Variants in ANTXRL observed in about 807,000 individuals in gnomAD.
ANTXRL encodes ANTXR like.
ANTXRL carries 63 observed loss-of-function variants against 75.4 expected under a neutral mutation model. The observed-to-expected ratio is 0.84, with a 90% CI of 0.68 to 1.03. The LOEUF is 1.03. ANTXRL is among the 50% of genes least tolerant of loss of function. ANTXRL has a pLI of 0.00. For missense variants in ANTXRL, 797 were observed against 789.4 expected, an observed-to-expected ratio of 1.01 and a Z score of -0.12; for synonymous variants, 335 against 291.3, an observed-to-expected ratio of 1.15 and a Z score of -1.53.
chr10:46,316,090 T>G (rs1360029872), intron 16 of ANTXRL, among the ~76,000 whole-genome samples: 1 of 152,154 alleles, frequency 6.6e-6, no homozygotes, highest in Non-Finnish European at 1.5e-5. Context: ...CTCATTATGT[T>G]AATGGGAAAC....
chr10:46,329,823 C>A lies in ANTXRL; in HGVS notation c.1635C>A (p.Ala545=). 3 of 1,533,842 alleles carry A rather than the reference C, an allele frequency of 2.0e-6. No homozygotes were observed. Among genetic ancestry groups the A allele is most frequent in the Non-Finnish European group, 2.6e-6 (3 of 1,145,900 alleles). The change falls in exon 17 of 17, where the codon GCC becomes GCA. Residue 545 remains alanine (A), a synonymous_variant. Transcript: ENST00000620264. ...GCCAACACAGCAGGGAGTGCCTTGC[C>A]CGCAAACAGGCTCCCTGCAGCCCAA... The part of the protein sequence containing the change: ...RHSQHSRECL[A]RKQAPCSPRI...
chr10:46,295,106 G>A (rs564119910), intron 3 of ANTXRL, among the ~76,000 whole-genome samples: 1 of 152,328 alleles, frequency 6.6e-6, no homozygotes, highest in South Asian at 2.1e-4. Flanking sequence ...ATGCACAGCT[G>A]TCGGGGCTGC....
chr10:46,293,596 T>C (rs1285424068), intron 2 of ANTXRL, among the ~76,000 whole-genome samples: 1 of 126,446 alleles, frequency 7.9e-6, no homozygotes, highest in Non-Finnish European at 1.9e-5. Flanking sequence ...TGCAAGTGTC[T>C]TTGGGGTGTT....
In ANTXRL at chr10:46,306,889, G is replaced by A; in HGVS notation, c.965+17G>A. Reference sequence around the variant, plus strand: ...ACCTGGAGAGTAAGTGCCCCTGGCAGGAGGCTAGAGGGCAAGAGACCAGGG... The same window carrying A: ...ACCTGGAGAGTAAGTGCCCCTGGCAAGAGGCTAGAGGGCAAGAGACCAGGG... On this transcript the variant is annotated intron_variant, in intron 11 of 16. Coordinates refer to ENST00000620264, the MANE Select transcript of ANTXRL (RefSeq NM_001278688.3). 1 of 1,515,428 alleles carries A rather than the reference G, an allele frequency of 6.6e-7. No individual in the cohort carries two copies. 93.9% of individuals were successfully genotyped at this position (1,515,428 alleles called of 1,614,324 possible). A position where few individuals can be genotyped will look rare whatever the true frequency, so the allele number is the denominator to read the frequency against.
At position 46,308,901 on chromosome 10, in the gene ANTXRL, T is replaced by C. The variant is rs1336873885; in HGVS notation, c.1045-212T>C. Among the ~76,000 whole-genome samples, 115 of 152,126 alleles carry C rather than the reference T, an allele frequency of 7.6e-4. 1 individual carries two copies. Among genetic ancestry groups the C allele is most frequent in the Non-Finnish European group, 7.4e-5 (5 of 68,006 alleles). ...ATCAGACCATGGAAGCTTCCGGGAC[T>C]TTCTTGGCAGGGCTCTGGGGCAGAG... is the stretch of plus-strand genomic sequence containing the variant. On this transcript the variant is annotated intron_variant, in intron 12 of 16. Transcript: ENST00000620264.
intron 5 of ANTXRL, among the ~76,000 whole-genome samples, 164 bp downstream of exon 5, chr10:46,296,416 A>T (rs1837379378): frequency 6.6e-6 from 1 of 152,126 alleles, no homozygotes; most frequent in Non-Finnish European, 1.5e-5. Context: ...TGCAATGAGC[A>T]TAGTAAGCCC....
rs1414046998 is a variant in ANTXRL, at chr10:46,329,683, G to A, written c.1495G>A (p.Glu499Lys). The change falls in exon 17 of 17, where the codon GAG becomes AAG. Residue 499 changes from glutamate (E) to lysine (K), a missense_variant. Glu to Lys is a moderately conservative substitution (Grantham distance 56). This residue lies in a region of ANTXRL where 479 missense variants were observed against 422.0 expected (regional missense o/e 1.14). Transcript: ENST00000620264. ...CPRICFPHSQ[E>K]CLSLPQAPCS... ...AAGGATCTGCTTTCCACACAGCCAG[G>A]AGTGCCTTTCCCTACCACAGGCTCC... 11 of 1,536,172 alleles carry A rather than the reference G, an allele frequency of 7.2e-6. No individual in the cohort carries two copies. The Admixed American group carries it at 2.2e-4, about 30-fold the overall frequency.
intron 1 of ANTXRL, among the ~76,000 whole-genome samples, chr10:46,290,726 TC>T (rs1372245362): frequency 2.0e-5 from 3 of 152,186 alleles, no homozygotes; most frequent in Non-Finnish European, 4.4e-5. Flanking sequence ...CATTTGCATA[TC>T]TTCTTTGAGG....
At chr10:46,308,563 T>C in intron 12 of ANTXRL, 1 of 414,764 alleles carries the variant, frequency 2.4e-6, no homozygotes, top group South Asian at 1.8e-5. Context: ...AGAGAACTGT[T>C]CCCGTTGCTT....
intron 16 of ANTXRL, 139 bp from the exon 17 acceptor site, chr10:46,329,460 G>A: frequency 8.9e-7 from 1 of 1,118,908 alleles, no homozygotes; most frequent in Non-Finnish European, 1.2e-6. Context: ...ACCAAGGGGA[G>A]AGAGGAGGAG....
At chr10:46,315,729 C>A (rs757966207) in intron 16 of ANTXRL, among the ~76,000 whole-genome samples, 20 of 152,178 alleles carry the variant, frequency 1.3e-4, no homozygotes, top group Non-Finnish European at 2.6e-4. Context: ...TTTAGAGGAG[C>A]TGCTGCCTTT....
At chr10:46,317,751 C>T (rs1431789288) in intron 16 of ANTXRL, among the ~76,000 whole-genome samples, 5 of 152,024 alleles carry the variant, frequency 3.3e-5, no homozygotes, top group Admixed American at 1.3e-4. Flanking sequence ...GTAACATAAT[C>T]GGGAAATACA....
At chr10:46,322,559 A>G (rs1554965795) in intron 16 of ANTXRL, among the ~76,000 whole-genome samples, 1 of 152,042 alleles carries the variant, frequency 6.6e-6, no homozygotes, top group East Asian at 1.9e-4. Flanking sequence ...CCAAACATTG[A>G]TTATAAACCA....
chr10:46,301,523 A>T (rs1450661225), intron 9 of ANTXRL, among the ~76,000 whole-genome samples: 1 of 152,170 alleles, frequency 6.6e-6, no homozygotes, highest in Non-Finnish European at 1.5e-5. Flanking sequence ...GTCAGCGTTG[A>T]GGGCCTTGGA....
intron 14 of ANTXRL, among the ~76,000 whole-genome samples, chr10:46,311,213 C>T (rs1838401689): frequency 6.6e-6 from 1 of 152,118 alleles, no homozygotes; most frequent in African/African-American, 2.4e-5. Context: ...CATCTGCAAC[C>T]AGGTGGATAC....
chr10:46,329,059 T>G (rs530876458), intron 16 of ANTXRL, among the ~76,000 whole-genome samples: 1 of 152,274 alleles, frequency 6.6e-6, no homozygotes, highest in African/African-American at 2.4e-5. Context: ...GGTGCCTGGC[T>G]ACACTAGTGT....
chr10:46,299,192 A>T (rs1837566611), intron 9 of ANTXRL, among the ~76,000 whole-genome samples: 1 of 152,046 alleles, frequency 6.6e-6, no homozygotes, highest in African/African-American at 2.4e-5. Flanking sequence ...ACAGGAACCA[A>T]GCGGTTATCT....
At chr10:46,291,065 C>T (rs1460425911) in intron 1 of ANTXRL, among the ~76,000 whole-genome samples, 5 of 152,112 alleles carry the variant, frequency 3.3e-5, no homozygotes, top group South Asian at 4.1e-4. Flanking sequence ...AAGTTTTAGC[C>T]TTTACATTTA....
At chr10:46,313,350 A>G (rs781838562) in intron 16 of ANTXRL, 34 bp downstream of exon 16, 1 of 1,523,676 alleles carries the variant, frequency 6.6e-7, no homozygotes, top group South Asian at 1.2e-5. Context: ...GTTGATGGAC[A>G]AAAGGCCACT....
Sources: gnomAD v4.1 joint callset for allele counts (sites outside exome capture counted in the v4.1 genomes callset) on GRCh38, gnomAD v4.1.1 for gene constraint, gnomAD v4.1.1 regional missense constraint, MANE v1.5 for transcripts, NCBI Gene and HGNC (gene_info 2026-07-23, HGNC 2026-07-21) for gene names.